Variants in ADGRV1 observed in about 807,000 individuals in gnomAD.
The protein encoded by ADGRV1 is adhesion G protein-coupled receptor V1, also known as G-protein coupled receptor 98.
Under a neutral mutation model 596.2 loss-of-function variants are expected in ADGRV1, and 359 were observed. The ratio of observed to expected loss-of-function variants is 0.60; its 90% confidence interval spans 0.55 to 0.66. The LOEUF (loss-of-function observed/expected upper bound fraction) is 0.66, where lower values mean the gene tolerates loss of function less well. Among genes scored for constraint, ADGRV1 ranks in the 30% least tolerant of loss-of-function variants. The pLI, the probability that ADGRV1 is intolerant of heterozygous loss-of-function variation, is 0.00. For synonymous variants in ADGRV1, 2,681 were observed against 2,679.2 expected (o/e 1.00, Z -0.02); for missense variants, 7,274 against 7,575.6 (o/e 0.96, Z 1.48).
rs113498662 is a variant in ADGRV1 at position 90,753,653 on chromosome 5, T to A, written c.11201T>A (p.Val3734Asp). ...GATAATATACCAGAGTTATCAGAGG[T>A]TGTGATTGTAACCCTCACCCGTATC... Reference protein sequence around the residue: ...LADNIPELSEVVIVTLTRITT... With the variant: ...LADNIPELSEDVIVTLTRITT... Residue 3734 changes from valine to aspartate, a missense_variant, in exon 54 of 90, where the codon GTT becomes GAT. This residue lies in a region of ADGRV1 where 3,643 missense variants were observed against 3,809.2 expected (regional missense o/e 0.96). Transcript: ENST00000405460. 2 of 1,613,456 alleles carry A rather than the reference T, an allele frequency of 1.2e-6. No homozygotes were observed. Among genetic ancestry groups the A allele is most frequent in the Admixed American group, 1.7e-5 (1 of 59,986 alleles).
intron 83 of ADGRV1, among the ~76,000 whole-genome samples, chr5:90,872,075 C>T (rs1768736519): frequency 6.6e-6 from 1 of 152,142 alleles, no homozygotes; most frequent in Non-Finnish European, 1.5e-5. Flanking sequence ...AGAACCTGAG[C>T]CCCTGAGCCT....
intron 87 of ADGRV1, among the ~76,000 whole-genome samples, chr5:91,115,169 A>G (rs1792741915): frequency 6.6e-6 from 1 of 152,084 alleles, no homozygotes; most frequent in Non-Finnish European, 1.5e-5. Context: ...GGTTTTGTTC[A>G]TGCTCCTATT....
At chr5:91,120,309 C>T (rs1425813797) in intron 87 of ADGRV1, among the ~76,000 whole-genome samples, 1 of 152,128 alleles carries the variant, frequency 6.6e-6, no homozygotes, top group African/African-American at 2.4e-5. Context: ...AGCCAGAAAC[C>T]AGATTTTTTA....
intron 85 of ADGRV1, among the ~76,000 whole-genome samples, chr5:91,052,589 C>A (rs1420686368): frequency 6.6e-6 from 1 of 152,068 alleles, no homozygotes; most frequent in Non-Finnish European, 1.5e-5. Flanking sequence ...CCCCCACCAC[C>A]ACGCCTGGCT....
At chr5:90,990,803 A>G (rs1780899390) in intron 85 of ADGRV1, among the ~76,000 whole-genome samples, 1 of 152,116 alleles carries the variant, frequency 6.6e-6, no homozygotes, top group African/African-American at 2.4e-5. Flanking sequence ...ACCCGAAGTA[A>G]CTCTATTGAG....
intron 50 of ADGRV1, among the ~76,000 whole-genome samples, chr5:90,743,063 T>C (rs1375911283): frequency 4.6e-5 from 7 of 152,120 alleles, no homozygotes; most frequent in South Asian, 2.1e-4. Flanking sequence ...CTGATATACA[T>C]TGGAAGTCCG....
rs766596908 is a variant in ADGRV1, at chr5:90,690,808, A to G, written c.6718A>G (p.Thr2240Ala). 7 of 1,594,848 alleles carry G rather than the reference A, an allele frequency of 4.4e-6. 1 individual carries two copies. The highest frequency in any genetic ancestry group is 1.3e-5 in the African/African-American group (1 of 74,792). The change falls in exon 31 of 90, where the codon ACT (threonine) becomes GCT (alanine). Residue 2240 changes from threonine (T) to alanine (A), a missense_variant. Coordinates refer to ENST00000405460, the MANE Select transcript of ADGRV1 (RefSeq NM_032119.4). ...TGTCTACCCTTCAGGTTTTCAGATT[A>G]CTAAACTTATTGTAGAGGAACCTGA... ...DPYGLFGFQI[T>A]KLIVEEPEFN... is the part of the protein sequence containing the mutation.
chr5:90,955,305 AT>A (rs1777377876), intron 83 of ADGRV1, among the ~76,000 whole-genome samples: 1 of 152,052 alleles, frequency 6.6e-6, no homozygotes, highest in African/African-American at 2.4e-5. Context: ...AAATCATAAT[AT>A]TTTTCTTGCT....
intron 85 of ADGRV1, among the ~76,000 whole-genome samples, chr5:91,035,861 TTATATATA>T (rs1554202360): frequency 1.0e-5 from 1 of 96,402 alleles, no homozygotes; most frequent in Non-Finnish European, 2.2e-5. Flanking sequence ...TATATATATA[TTATATATA>T]TATATATATA....
intron 83 of ADGRV1, among the ~76,000 whole-genome samples, chr5:90,917,606 A>C (rs1773497473): frequency 1.3e-5 from 2 of 152,212 alleles, no homozygotes; most frequent in Non-Finnish European, 2.9e-5. Context: ...CTCCTGAGGA[A>C]GTCAGTTTCC....
chr5:90,951,952 T>A (rs1777095640), intron 83 of ADGRV1, among the ~76,000 whole-genome samples: 2 of 152,164 alleles, frequency 1.3e-5, no homozygotes, highest in Non-Finnish European at 2.9e-5. Flanking sequence ...CATAATACTG[T>A]CATGCAAATC....
chr5:91,060,635 G>T (rs1314409941), intron 85 of ADGRV1, among the ~76,000 whole-genome samples: 4 of 152,120 alleles, frequency 2.6e-5, no homozygotes, highest in African/African-American at 7.2e-5. Context: ...AACAGAGTAT[G>T]ACTAACTTTA....
In ADGRV1 at chr5:90,783,940, TC is replaced by T; in HGVS notation, c.13539del (p.Phe4514LeufsTer4). ...SRIIIAKSDS[P>X]FGVIRFLNQS... ...GAATCATAATAGCTAAGAGTGACTC[TC>T]CCTTTGGAGTTATAAGGTTTCTCAA... On this transcript the variant is annotated frameshift_variant, in exon 67 of 90. Transcript: ENST00000405460. LOFTEE classifies it high-confidence loss of function. The T allele has an allele frequency of 6.2e-7, 1 of 1,612,376 alleles. No homozygotes were observed. Among genetic ancestry groups the T allele is most frequent in the Non-Finnish European group, 8.5e-7 (1 of 1,179,228 alleles).
At chr5:90,796,861 C>T (rs997222777) in intron 70 of ADGRV1, among the ~76,000 whole-genome samples, 5 of 152,120 alleles carry the variant, frequency 3.3e-5, no homozygotes, top group African/African-American at 1.2e-4. Context: ...AATTTCATAT[C>T]CAGCCAAACT....
Position 90,783,999 on chromosome 5 carries a change from C to T in ADGRV1, c.13595C>T (p.Ser4532Phe), listed in dbSNP as rs763680918. ...AAAATTTCTATTGCTAATCCCAATT[C>T]CACAATGATTTTATCACTGGTGCTG... ...QSKISIANPNSTMILSLVLER... is the reference protein window; with the variant it reads ...QSKISIANPNFTMILSLVLER... Residue 4532 changes from serine to phenylalanine, a missense_variant, in exon 67 of 90, where the codon TCC becomes TTC. Coordinates refer to ENST00000405460, the MANE Select transcript of ADGRV1 (RefSeq NM_032119.4). 1 of 1,612,866 alleles carries T rather than the reference C, an allele frequency of 6.2e-7. No homozygotes were observed. Among genetic ancestry groups the T allele is most frequent in the Non-Finnish European group, 8.5e-7 (1 of 1,179,406 alleles).
chr5:90,834,950 CTCCT>C (rs201245514), intron 77 of ADGRV1, among the ~76,000 whole-genome samples: 3,951 of 119,416 alleles, frequency 0.033, 184 homozygotes, highest in African/African-American at 0.11. Flanking sequence ...CTTTTTCTTT[CTCCT>C]TCCTTCCTTC....
At chr5:90,638,978 C>T (rs544450954) in intron 11 of ADGRV1, among the ~76,000 whole-genome samples, 16 of 151,900 alleles carry the variant, frequency 1.1e-4, no homozygotes, top group South Asian at 2.1e-4. Context: ...TTCAAAACCA[C>T]GTTGTGTTTA....
intron 86 of ADGRV1, among the ~76,000 whole-genome samples, chr5:91,089,730 A>C (rs900626100): frequency 2.6e-5 from 4 of 152,200 alleles, no homozygotes; most frequent in Admixed American, 2.6e-4. Flanking sequence ...TTATCAAACT[A>C]TCTGTAAAAG....
Position 90,658,286 on chromosome 5 carries a change from G to A in ADGRV1, c.4752+8G>A. ...GGAGCTTGTATACCAGAGGTAAGTA[G>A]TGAGCTTGGAGAATTTTGGATTTAA... On this transcript the variant is annotated splice_region_variant and intron_variant, in intron 21 of 89. Transcript: ENST00000405460. 6.8e-7 allele frequency: 1 copy of A among 1,479,420 alleles called. No individual in the cohort carries two copies. Among genetic ancestry groups the A allele is most frequent in the Non-Finnish European group, 9.0e-7 (1 of 1,114,660 alleles). 91.6% of individuals were successfully genotyped at this position (1,479,420 alleles called of 1,614,324 possible). A position where few individuals can be genotyped will look rare whatever the true frequency, so the allele number is the denominator to read the frequency against.
Sources: gnomAD v4.1 joint callset for allele counts (sites outside exome capture counted in the v4.1 genomes callset) on GRCh38, gnomAD v4.1.1 for gene constraint, gnomAD v4.1.1 regional missense constraint, MANE v1.5 for transcripts, NCBI Gene and HGNC (gene_info 2026-07-23, HGNC 2026-07-21) for gene names.